The following CDK15 variants were observed in gnomAD, a reference collection of about 807,000 sequenced individuals.
CDK15 encodes the protein cyclin-dependent kinase 15.
Under a neutral mutation model 60.3 loss-of-function variants are expected in CDK15, and 62 were observed. The observed-to-expected ratio is 1.03, with a 90% CI of 0.84 to 1.27. The LOEUF is 1.27. Ranked by LOEUF, CDK15 falls within the 50% of genes most tolerant of loss-of-function variation. The pLI is 0.00. For missense variants in CDK15, 541 were observed against 527.8 expected (o/e 1.03, Z -0.25); for synonymous variants, 194 against 195.7 (o/e 0.99, Z 0.07).
chr2:201,872,366 A>G, intron 11 of CDK15, 40 bp downstream of exon 11: 24 of 1,504,602 alleles, frequency 1.6e-5, no homozygotes, highest in Non-Finnish European at 2.2e-5. Context: ...AGGGATCTTT[A>G]AGCAGGATTG....
intron 13 of CDK15, among the ~76,000 whole-genome samples, 190 bp downstream of exon 13, chr2:201,891,117 A>C (rs1163335897): frequency 6.6e-6 from 1 of 152,220 alleles, no homozygotes; most frequent in Non-Finnish European, 1.5e-5. Context: ...GAATAATTAC[A>C]TGCATTGCCT....
rs1228691031 is a variant in CDK15, at chr2:201,882,490, T to C, written c.1198+2323T>C. On this transcript the variant is annotated intron_variant, in intron 12 of 13. Transcript: ENST00000652192. This position sits in a 1 kb window ranked among gnomAD's most constrained non-coding sequence, Gnocchi z 4.0. ...TCAAATTCTCCTGGCTTCCTCCCAA[T>C]TAAATGAGGTTTGTCAAAGCCACAG... Among the ~76,000 whole-genome samples, 1 of 152,138 alleles carries C rather than the reference T, an allele frequency of 6.6e-6. No individual in the cohort carries two copies. Among genetic ancestry groups the C allele is most frequent in the Non-Finnish European group, 1.5e-5 (1 of 68,016 alleles).
intron 4 of CDK15, among the ~76,000 whole-genome samples, chr2:201,821,883 G>A (rs912996829): frequency 2.0e-5 from 3 of 152,142 alleles, no homozygotes; most frequent in African/African-American, 4.8e-5. Flanking sequence ...GTTTCACCGC[G>A]TTGGCCAGGC....
chr2:201,833,894 A>C lies in CDK15; in HGVS notation c.653A>C (p.Gln218Pro), dbSNP rs1236577698. Residue 218 changes from glutamine (Q) to proline (P), a missense_variant, in exon 7 of 14, where the codon CAA (glutamine) becomes CCA (proline). By Grantham distance (76) the Gln-to-Pro change is moderately conservative. Transcript: ENST00000652192. The stretch of plus-strand genomic sequence containing the variant: ...CGGGGCCTGGCGTACATCCACCACC[A>C]ACACGTTCTTCACAGGGACCTGAAA... ...LLRGLAYIHHQHVLHRDLKPQ... is the reference protein window; with the variant it reads ...LLRGLAYIHHPHVLHRDLKPQ... The C allele has an allele frequency of 6.2e-7, 1 of 1,613,990 alleles. No individual in the cohort carries two copies. The highest frequency in any genetic ancestry group is 1.7e-5 in the Admixed American group (1 of 60,004).
intron 4 of CDK15, among the ~76,000 whole-genome samples, chr2:201,818,891 C>T (rs1696098710): frequency 6.6e-6 from 1 of 151,864 alleles, no homozygotes; most frequent in Admixed American, 6.6e-5. Flanking sequence ...AATTAGTGAC[C>T]ACTAATTTAA....
chr2:201,892,498 A>G (rs1159151111), intron 13 of CDK15, among the ~76,000 whole-genome samples: 1 of 152,226 alleles, frequency 6.6e-6, no homozygotes. Context: ...GTAGACATAA[A>G]TTGGTCACAA....
chr2:201,833,928 C>A lies in CDK15; in HGVS notation c.687C>A (p.Asn229Lys). 2 of 1,613,998 alleles carry A rather than the reference C, an allele frequency of 1.2e-6. No individual in the cohort carries two copies. Among genetic ancestry groups the A allele is most frequent in the South Asian group, 1.1e-5 (1 of 91,058 alleles). The change falls in exon 7 of 14, where the codon AAC (asparagine) becomes AAA (lysine). Residue 229 changes from asparagine to lysine, a missense_variant. Physicochemically the swap from Asn to Lys is moderately conservative, Grantham distance 94. Coordinates refer to ENST00000652192, the MANE Select transcript of CDK15 (RefSeq NM_001366386.2). ...TTCACAGGGACCTGAAACCTCAGAACTTACTCATCAGTCACCTGGGAGAGC... is the reference window on the plus strand; with the variant it reads ...TTCACAGGGACCTGAAACCTCAGAAATTACTCATCAGTCACCTGGGAGAGC... ...HVLHRDLKPQ[N>K]LLISHLGELK...
intron 6 of CDK15, among the ~76,000 whole-genome samples, chr2:201,827,074 G>A (rs1696541023): frequency 1.3e-5 from 2 of 152,186 alleles, no homozygotes; most frequent in Admixed American, 1.3e-4. Flanking sequence ...CTGAAATACA[G>A]AATATATTAG....
rs1698874906 is a variant in CDK15 at position 201,872,272 on chromosome 2, T to G, written c.1010-6T>G. The G allele has an allele frequency of 6.2e-7, 1 of 1,614,108 alleles. No homozygotes were observed. Among genetic ancestry groups the G allele is most frequent in the Non-Finnish European group, 8.5e-7 (1 of 1,179,964 alleles). On this transcript the variant is annotated splice_polypyrimidine_tract_variant and splice_region_variant and intron_variant, in intron 10 of 13. Transcript: ENST00000652192. ...TATTTTTTAACGCCCTCTGTATGCT[T>G]CCCAGAATGGTTCCCACTGCCTACG...
In CDK15 at chr2:201,806,798, C is replaced by T. The variant is rs759034170; in HGVS notation, c.123+11C>T. On this transcript the variant is annotated intron_variant, in intron 1 of 13. Coordinates refer to ENST00000652192, the MANE Select transcript of CDK15 (RefSeq NM_001366386.2). ...GAGGCTGCGTTCAAGGTATTTGTAT[C>T]CCAGGAGAGAGCATCTTTCTCTATT... 1.3e-6 allele frequency: 2 copies of T among 1,597,712 alleles called. No homozygotes were observed. The highest frequency in any genetic ancestry group is 4.5e-5 in the East Asian group (2 of 44,878).
intron 4 of CDK15, among the ~76,000 whole-genome samples, chr2:201,816,560 C>T (rs1696006895): frequency 6.8e-6 from 1 of 146,474 alleles, no homozygotes; most frequent in African/African-American, 2.5e-5. Context: ...AGGTTGAGTC[C>T]ATGTCTTTGC....
At chr2:201,841,003 C>A (rs1289148646) in intron 8 of CDK15, among the ~76,000 whole-genome samples, 1 of 152,154 alleles carries the variant, frequency 6.6e-6, no homozygotes, top group Non-Finnish European at 1.5e-5. Context: ...GACTATTAGA[C>A]CACATTCTTC....
In CDK15 at chr2:201,857,119, G is replaced by A. The variant is rs1161397411; in HGVS notation, c.1009+2182G>A. On this transcript the variant is annotated intron_variant, in intron 10 of 13. Transcript: ENST00000652192. ...CGGGCGCCTGTAGTCCCAGCTACTC[G>A]GGAGGCTGAGGCAGGAGAATGGCGT... is the stretch of plus-strand genomic sequence containing the variant. Among the ~76,000 whole-genome samples the A allele has an allele frequency of 7.6e-5, 6 of 79,178 alleles. 2 individuals are homozygous for A. Among genetic ancestry groups the A allele is most frequent in the African/African-American group, 4.0e-4 (4 of 10,046 alleles). The allele number at this position is 79,178 out of a possible 152,430, so 51.9% of individuals were successfully genotyped here. A position where few individuals can be genotyped will look rare whatever the true frequency, so the allele number is the denominator to read the frequency against.
intron 10 of CDK15, chr2:201,861,519 A>G: frequency 1.0e-6 from 1 of 984,450 alleles, no homozygotes; most frequent in African/African-American, 1.8e-5. Context: ...GGTACTCAAT[A>G]AAAGTTCCCA....
intron 10 of CDK15, among the ~76,000 whole-genome samples, chr2:201,864,663 A>G (rs1403740797): frequency 6.6e-6 from 1 of 151,918 alleles, no homozygotes; most frequent in African/African-American, 2.4e-5. Flanking sequence ...GGCCTCCCAA[A>G]GTGCCGGGAT....
At position 201,833,986 on chromosome 2, in the gene CDK15, G is replaced by C; in HGVS notation, c.730+15G>C. The C allele has an allele frequency of 6.2e-7, 1 of 1,612,276 alleles. No homozygotes were observed. Among genetic ancestry groups the C allele is most frequent in the Non-Finnish European group, 8.5e-7 (1 of 1,179,118 alleles). ...GGCTGATTTTGGTAAGTCGCCCCTC[G>C]GGTCTCATTCTGGGCTGTGAACAAT... is the stretch of plus-strand genomic sequence containing the variant. On this transcript the variant is annotated intron_variant, in intron 7 of 13. Transcript: ENST00000652192.
intron 4 of CDK15, among the ~76,000 whole-genome samples, chr2:201,818,455 C>A (rs1696083100): frequency 6.6e-6 from 1 of 152,118 alleles, no homozygotes; most frequent in Admixed American, 6.6e-5. Flanking sequence ...ACTTTTGTGT[C>A]CCTCAACTGT....
At chr2:201,842,532 C>T (rs192342996) in intron 8 of CDK15, among the ~76,000 whole-genome samples, 2 of 152,172 alleles carry the variant, frequency 1.3e-5, no homozygotes, top group Non-Finnish European at 2.9e-5. Flanking sequence ...TCTGAATTAA[C>T]TTCAACAGTA....
At chr2:201,821,406 A>G (rs1696214507) in intron 4 of CDK15, among the ~76,000 whole-genome samples, 1 of 152,122 alleles carries the variant, frequency 6.6e-6, no homozygotes, top group Admixed American at 6.5e-5. Context: ...GCTAGAAGGG[A>G]GAATGGCTGT....
Sources: allele counts gnomAD v4.1 joint callset (sites outside exome capture counted in the v4.1 genomes callset), GRCh38; gene constraint gnomAD v4.1.1; non-coding constraint Gnocchi (gnomAD v3.1); transcripts MANE v1.5; gene names NCBI Gene and HGNC (gene_info 2026-07-23, HGNC 2026-07-21).